KCTD10: variants seen among roughly 807,000 people sequenced by gnomAD.
KCTD10 encodes potassium channel tetramerization domain containing 10.
KCTD10 carries 13 observed loss-of-function variants against 34.6 expected under a neutral mutation model. The ratio of observed to expected loss-of-function variants is 0.38; its 90% confidence interval spans 0.24 to 0.60. The LOEUF is 0.60. KCTD10 is among the 20% of genes least tolerant of loss of function. The probability of loss-of-function intolerance (pLI) is 0.66; values close to 1 mark genes in which losing one functional copy is unlikely to be tolerated. For missense variants in KCTD10, 256 were observed against 420.3 expected (o/e 0.61, Z 3.42); for synonymous variants, 156 against 168.8 (o/e 0.92, Z 0.59).
At chr12:109,471,361 C>T (rs985692415) in intron 1 of KCTD10, 1 of 985,358 alleles carries the variant, frequency 1.0e-6, no homozygotes, top group African/African-American at 1.7e-5. Flanking sequence ...CTGGATATCA[C>T]CTGCCATGTC....
chr12:109,457,624 C>T lies in KCTD10; in HGVS notation c.527+6G>A. ...ATGGAGCTGTCTTTCCCGGCTGACGCCTTACCTGGTATATGAGTATTTGTT... is the reference window on the plus strand; with the variant it reads ...ATGGAGCTGTCTTTCCCGGCTGACGTCTTACCTGGTATATGAGTATTTGTT... On this transcript the variant is annotated splice_donor_region_variant and intron_variant, in intron 5 of 6. Transcript: ENST00000228495. The T allele has an allele frequency of 1.2e-6, 2 of 1,614,000 alleles. No individual in the cohort carries two copies. Among genetic ancestry groups the T allele is most frequent in the Non-Finnish European group, 1.7e-6 (2 of 1,179,832 alleles).
At position 109,469,692 on chromosome 12, in the gene KCTD10, C is replaced by G; in HGVS notation, c.40G>C (p.Val14Leu). 1 of 1,614,228 alleles carries G rather than the reference C, an allele frequency of 6.2e-7. No homozygotes were observed. The highest frequency in any genetic ancestry group is 8.5e-7 in the Non-Finnish European group (1 of 1,180,048). The part of the protein sequence containing the change: ...MSGESVVSSA[V>L]PAAATRTTSF... ...GTGGTGCGGGTAGCAGCCGCTGGCA[C>G]CGCTGAGCTCACCACACTTTCTCCT... is the stretch of plus-strand genomic sequence containing the variant. The change falls in exon 2 of 7, where the codon GTG (valine) becomes CTG (leucine). Residue 14 changes from valine to leucine, a missense_variant. Val to Leu is a conservative substitution (Grantham distance 32). Transcript: ENST00000228495.
chr12:109,451,903 A>C lies in KCTD10; in HGVS notation c.724-90T>G. Reference sequence around the variant, plus strand: ...TTAAGCAGGGCCGCCAGGCTAAATCAGGCCCCTGGGATTCTGCTGAAGGCC... The same window carrying C: ...TTAAGCAGGGCCGCCAGGCTAAATCCGGCCCCTGGGATTCTGCTGAAGGCC... On this transcript the variant is annotated intron_variant, in intron 6 of 6. Transcript: ENST00000228495. The surrounding 1 kb of genome is among the most constrained non-coding windows in gnomAD (Gnocchi z 5.0). 1 of 1,119,102 alleles carries C rather than the reference A, an allele frequency of 8.9e-7. No individual in the cohort carries two copies. Among genetic ancestry groups the C allele is most frequent in the Admixed American group, 3.2e-5 (1 of 31,562 alleles). 69.3% of individuals were successfully genotyped at this position (1,119,102 alleles called of 1,614,324 possible).
intron 6 of KCTD10, chr12:109,455,600 G>C (rs1213605445): frequency 1.2e-5 from 2 of 160,824 alleles, no homozygotes; most frequent in East Asian, 3.6e-4. Context: ...GCCCACAGCA[G>C]ACCTGCTGCA....
At chr12:109,465,532 G>A (rs538034840) in intron 2 of KCTD10, among the ~76,000 whole-genome samples, 9 of 152,230 alleles carry the variant, frequency 5.9e-5, no homozygotes, top group African/African-American at 2.2e-4. Flanking sequence ...GACCTCCTCA[G>A]GTGACTCCCT....
chr12:109,453,049 A>G (rs913182933), intron 6 of KCTD10, among the ~76,000 whole-genome samples: 1 of 152,090 alleles, frequency 6.6e-6, no homozygotes, highest in Non-Finnish European at 1.5e-5. Context: ...CGGGAGTCCA[A>G]GGGCCTCTTT....
At chr12:109,461,995 C>T (rs994896719) in intron 2 of KCTD10, among the ~76,000 whole-genome samples, 22 of 101,922 alleles carry the variant, frequency 2.2e-4, no homozygotes, top group Non-Finnish European at 3.9e-4. Context: ...CCACTCCTAA[C>T]AATGCTGTGC....
intron 6 of KCTD10, among the ~76,000 whole-genome samples, chr12:109,453,400 C>T (rs1872871967): frequency 6.6e-6 from 1 of 152,158 alleles, no homozygotes; most frequent in Non-Finnish European, 1.5e-5. Flanking sequence ...TGCTATGTTG[C>T]CCAGGCTGGT....
chr12:109,455,744 G>T (rs908327401), intron 6 of KCTD10, among the ~76,000 whole-genome samples: 3 of 152,288 alleles, frequency 2.0e-5, no homozygotes, highest in Non-Finnish European at 4.4e-5. Context: ...ATTAAGGGGG[G>T]GCCAGATCTC....
intron 1 of KCTD10, chr12:109,470,333 A>G (rs1410660525): frequency 1.3e-5 from 13 of 985,422 alleles, no homozygotes; most frequent in African/African-American, 1.7e-5. Flanking sequence ...TAAACAACAG[A>G]CATGGAAACT....
At chr12:109,462,916 A>C (rs1873409466) in intron 2 of KCTD10, among the ~76,000 whole-genome samples, 1 of 152,154 alleles carries the variant, frequency 6.6e-6, no homozygotes, top group South Asian at 2.1e-4. Flanking sequence ...TACACCAAGT[A>C]ATTTTTTCTC....
chr12:109,450,214 CT>C lies in KCTD10; in HGVS notation c.*1380del, dbSNP rs1243876374. 1.0e-5 allele frequency: 4 copies of C among 398,516 alleles called. No homozygotes were observed. The highest frequency in any genetic ancestry group is 8.2e-5 in the African/African-American group (4 of 48,636). 24.7% of individuals were successfully genotyped at this position (398,516 alleles called of 1,614,324 possible). On this transcript the variant is annotated 3_prime_UTR_variant, in exon 7 of 7. Coordinates refer to ENST00000228495, the MANE Select transcript of KCTD10 (RefSeq NM_031954.5). ...GCACATTCACATCTCCTGGTAACTA[CT>C]CTACCTAGTCTAGTCTCAACCACCC...
At chr12:109,457,868 A>G (rs1873106294) in intron 4 of KCTD10, 124 bp downstream of exon 4, 1 of 1,017,386 alleles carries the variant, frequency 9.8e-7, no homozygotes. Context: ...GTAGCTTCCC[A>G]CTGTGAACCC....
chr12:109,460,703 T>A lies in KCTD10; in HGVS notation c.320A>T (p.Glu107Val), dbSNP rs1257038534. ...PLPESRREIEELLAEAKYYLV... is the reference protein window; with the variant it reads ...PLPESRREIEVLLAEAKYYLV... Reference sequence around the variant, plus strand: ...GTAGTACTTGGCTTCTGCTAGCAGCTCCTCGATCTCCCGGCGGCTCTCGGG... The same window carrying A: ...GTAGTACTTGGCTTCTGCTAGCAGCACCTCGATCTCCCGGCGGCTCTCGGG... The change falls in exon 3 of 7, where the codon GAG becomes GTG. Residue 107 changes from glutamate to valine, a missense_variant. By Grantham distance (121) the Glu-to-Val change is moderately radical. Around this residue, in one of 3 missense-constraint regions of KCTD10, gnomAD observed 155 missense variants for 207.0 expected, o/e 0.75. Coordinates refer to ENST00000228495, the MANE Select transcript of KCTD10 (RefSeq NM_031954.5). This position sits in a 1 kb window ranked among gnomAD's most constrained non-coding sequence, Gnocchi z 4.5. The A allele has an allele frequency of 6.2e-7, 1 of 1,614,092 alleles. No homozygotes were observed. The highest frequency in any genetic ancestry group is 2.2e-5 in the East Asian group (1 of 44,870).
chr12:109,453,940 A>T (rs537386282), intron 6 of KCTD10, among the ~76,000 whole-genome samples: 1 of 152,354 alleles, frequency 6.6e-6, no homozygotes, highest in East Asian at 1.9e-4. Flanking sequence ...CACAGCTAGG[A>T]CAGATTTGAA....
chr12:109,468,088 G>A (rs1034933573), intron 2 of KCTD10, among the ~76,000 whole-genome samples: 50 of 152,078 alleles, frequency 3.3e-4, no homozygotes, highest in African/African-American at 1.1e-3. Flanking sequence ...AGATACTCTC[G>A]GGCCATGTGG....
rs1299931585 is a variant in KCTD10 at position 109,450,477 on chromosome 12, T to C, written c.*1118A>G. 2.5e-6 allele frequency: 1 copy of C among 398,546 alleles called. No homozygotes were observed. Among genetic ancestry groups the C allele is most frequent in the East Asian group, 3.6e-5 (1 of 28,080 alleles). 24.7% of individuals were successfully genotyped at this position (398,546 alleles called of 1,614,324 possible). Reference sequence around the variant, plus strand: ...TATCTACCCGCACATCCTCAACCTGTTCACTGCTGGCCACTCTACACTGTG... The same window carrying C: ...TATCTACCCGCACATCCTCAACCTGCTCACTGCTGGCCACTCTACACTGTG... On this transcript the variant is annotated 3_prime_UTR_variant, in exon 7 of 7. Coordinates refer to ENST00000228495, the MANE Select transcript of KCTD10 (RefSeq NM_031954.5).
At chr12:109,474,090 T>C (rs1034051818) in intron 1 of KCTD10, among the ~76,000 whole-genome samples, 7 of 152,012 alleles carry the variant, frequency 4.6e-5, no homozygotes, top group Non-Finnish European at 7.4e-5. Flanking sequence ...TAATTTTGTA[T>C]TTTTAGTACA....
chr12:109,471,007 G>T, intron 1 of KCTD10: 1 of 544,124 alleles, frequency 1.8e-6, no homozygotes, highest in Non-Finnish European at 2.3e-6. Context: ...ATGTCCCACA[G>T]TTCTTCCCCA....
Sources: allele counts gnomAD v4.1 joint callset (sites outside exome capture counted in the v4.1 genomes callset), GRCh38; gene constraint gnomAD v4.1.1; regional missense constraint gnomAD v4.1.1; non-coding constraint Gnocchi (gnomAD v3.1); transcripts MANE v1.5; gene names NCBI Gene and HGNC (gene_info 2026-07-23, HGNC 2026-07-21).